The following TAF2 variants were observed in gnomAD, a reference collection of about 807,000 sequenced individuals.
TAF2 encodes transcription initiation factor TFIID subunit 2.
In TAF2, 61 loss-of-function variants were observed where a neutral mutation model predicts 138.5. That is an observed-to-expected ratio of 0.44 (90% CI 0.36 to 0.54). TAF2 has a LOEUF of 0.54. TAF2 is among the 20% of genes least tolerant of loss of function. The pLI is 0.00. For missense variants in TAF2, 1,090 were observed against 1,427.9 expected, an observed-to-expected ratio of 0.76 and a Z score of 3.81; for synonymous variants, 475 against 469.9, an observed-to-expected ratio of 1.01 and a Z score of -0.14.
chr8:119,806,068 A>T (rs1277441542), intron 4 of TAF2, among the ~76,000 whole-genome samples: 1 of 151,676 alleles, frequency 6.6e-6, no homozygotes, highest in African/African-American at 2.4e-5. Context: ...AGCCTGGATA[A>T]TTTTTGTATT....
chr8:119,760,029 G>GCC lies in TAF2; in HGVS notation c.2698+568_2698+569dup, dbSNP rs551836236. Among the ~76,000 whole-genome samples, 181 of 151,380 alleles carry GCC rather than the reference G, an allele frequency of 1.2e-3. 1 individual carries two copies. Among genetic ancestry groups the GCC allele is most frequent in the African/African-American group, 4.2e-3 (173 of 41,270 alleles). ...ACTACTGTAGGTCTGCTTCATTTAC[G>GCC]CCCCCCCAGAGTATTCTGTTGTTTC... On this transcript the variant is annotated intron_variant, in intron 20 of 25. Transcript: ENST00000378164.
chr8:119,802,773 C>G (rs1038634723), intron 5 of TAF2, among the ~76,000 whole-genome samples: 8 of 152,020 alleles, frequency 5.3e-5, no homozygotes, highest in Non-Finnish European at 1.0e-4. Context: ...ATTGGCCAGG[C>G]ATGTGGCATC....
chr8:119,787,901 T>G (rs1444544298), intron 14 of TAF2, among the ~76,000 whole-genome samples: 1 of 152,176 alleles, frequency 6.6e-6, no homozygotes, highest in South Asian at 2.1e-4. Flanking sequence ...TAGAACACTA[T>G]GCAGCCATAA....
Position 119,731,624 on chromosome 8 carries a change from C to A in TAF2, c.*300G>T. On this transcript the variant is annotated 3_prime_UTR_variant, in exon 26 of 26. Transcript: ENST00000378164. ...GGCGGTACACATGGAGACCATGATG[C>A]GAACGGGGACTGCCAGTGGATATGA... is the stretch of plus-strand genomic sequence containing the variant. 1 of 393,144 alleles carries A rather than the reference C, an allele frequency of 2.5e-6. No individual in the cohort carries two copies. Among genetic ancestry groups the A allele is most frequent in the Non-Finnish European group, 4.8e-6 (1 of 209,734 alleles). 24.4% of individuals were successfully genotyped at this position (393,144 alleles called of 1,614,324 possible).
rs534528543 is a variant in TAF2, at chr8:119,755,322, C to T, written c.2878+684G>A. ...GACCAGCCTGGCCAACATAGTGAAACTCTGTCTCTACTAAAAATACAAAAA... is the reference window on the plus strand; with the variant it reads ...GACCAGCCTGGCCAACATAGTGAAATTCTGTCTCTACTAAAAATACAAAAA... On this transcript the variant is annotated intron_variant, in intron 22 of 25. Transcript: ENST00000378164. Among the ~76,000 whole-genome samples, 114 of 152,142 alleles carry T rather than the reference C, an allele frequency of 7.5e-4. 4 individuals are homozygous for T. The South Asian group carries it at 0.02, about 27-fold the overall frequency.
chr8:119,772,576 G>A (rs921945058), intron 18 of TAF2, among the ~76,000 whole-genome samples: 11 of 151,958 alleles, frequency 7.2e-5, no homozygotes, highest in Non-Finnish European at 1.3e-4. Context: ...GTAAAAACCC[G>A]CAGACCTACC....
At chr8:119,783,293 T>G in intron 16 of TAF2, 88 bp downstream of exon 16, 2 of 1,507,166 alleles carry the variant, frequency 1.3e-6, no homozygotes, top group Non-Finnish European at 1.8e-6. Context: ...ACCAAGTAAA[T>G]TTAAAGACTA....
At chr8:119,770,627 A>C (rs1016284160) in intron 18 of TAF2, among the ~76,000 whole-genome samples, 11 of 152,296 alleles carry the variant, frequency 7.2e-5, no homozygotes, top group African/African-American at 2.6e-4. Flanking sequence ...GATGACACTC[A>C]CCAACATAAA....
chr8:119,749,418 C>G (rs1820197884), intron 22 of TAF2, among the ~76,000 whole-genome samples: 1 of 152,010 alleles, frequency 6.6e-6, no homozygotes, highest in South Asian at 2.1e-4. Context: ...AAATGAATAA[C>G]AGTACTTTTG....
At chr8:119,818,028 A>C (rs1825587199) in intron 3 of TAF2, among the ~76,000 whole-genome samples, 2 of 152,236 alleles carry the variant, frequency 1.3e-5, no homozygotes, top group Non-Finnish European at 2.9e-5. Context: ...GGTTCCCTGA[A>C]TTTTTCCAAT....
chr8:119,744,718 A>C, intron 23 of TAF2: 1 of 392,706 alleles, frequency 2.5e-6, no homozygotes, highest in African/African-American at 2.1e-5. Flanking sequence ...TGATAATATA[A>C]GTTAAATACT....
At chr8:119,800,308 A>G (rs1448232061) in intron 6 of TAF2, among the ~76,000 whole-genome samples, 1 of 152,178 alleles carries the variant, frequency 6.6e-6, no homozygotes, top group Non-Finnish European at 1.5e-5. Context: ...TCCATCTTGA[A>G]TTAACTTTTG....
chr8:119,734,133 C>G (rs1819061312), intron 25 of TAF2, among the ~76,000 whole-genome samples: 1 of 152,098 alleles, frequency 6.6e-6, no homozygotes, highest in Non-Finnish European at 1.5e-5. Flanking sequence ...TCAACAGTGT[C>G]CAGGCTGGGA....
At chr8:119,759,757 G>C (rs1039213981) in intron 20 of TAF2, among the ~76,000 whole-genome samples, 1 of 152,096 alleles carries the variant, frequency 6.6e-6, no homozygotes, top group Non-Finnish European at 1.5e-5. Flanking sequence ...TTTTAAGAAT[G>C]TTACATAAGA....
intron 2 of TAF2, among the ~76,000 whole-genome samples, chr8:119,829,860 G>GTT (rs374912220): frequency 4.4e-5 from 6 of 135,204 alleles, no homozygotes; most frequent in East Asian, 2.2e-4. Context: ...TCTTTTTTTA[G>GTT]TTTTTTTTTT....
chr8:119,812,745 GTGTGTGTATATA>G (rs1455385617), intron 3 of TAF2, among the ~76,000 whole-genome samples: 1 of 116,212 alleles, frequency 8.6e-6, no homozygotes, highest in Non-Finnish European at 1.8e-5. Flanking sequence ...GTGTGTGTGT[GTGTGTGTATATA>G]TGTGTGTATA....
At chr8:119,771,019 T>C (rs71532470) in intron 18 of TAF2, among the ~76,000 whole-genome samples, 4 of 151,774 alleles carry the variant, frequency 2.6e-5, no homozygotes, top group Non-Finnish European at 5.9e-5. Flanking sequence ...TGCAGTGAGC[T>C]GAGATCACGC....
Position 119,832,641 on chromosome 8 carries a change from T to G in TAF2, c.-77A>C. 2 of 1,398,208 alleles carry G rather than the reference T, an allele frequency of 1.4e-6. No homozygotes were observed. The highest frequency in any genetic ancestry group is 2.4e-5 in the South Asian group (2 of 84,184). The allele number at this position is 1,398,208 out of a possible 1,614,324, so 86.6% of individuals were successfully genotyped here. ...ATTACTAGTCTTTGGCACCTCACAC[T>G]CTCCACTCCCCTGCGGTCCCCAAGT... On this transcript the variant is annotated 5_prime_UTR_variant, in exon 1 of 26. Transcript: ENST00000378164.
chr8:119,778,127 A>G lies in TAF2; in HGVS notation c.2256T>C (p.Thr752=). Residue 752 remains threonine (T), a splice_region_variant and synonymous_variant, in exon 18 of 26, where the codon ACT becomes ACC. Transcript: ENST00000378164. ...TTAATAAAGCCATTGCAACTGGCAT[A>G]GTCTACAAAAGAAAAAAAAGAACTT... is the stretch of plus-strand genomic sequence containing the variant. ...MSFQSYFLQK[T]MPVAMALLRD... 6.3e-7 allele frequency: 1 copy of G among 1,580,658 alleles called. No individual in the cohort carries two copies. The highest frequency in any genetic ancestry group is 1.1e-5 in the South Asian group (1 of 89,268).
Sources: gnomAD v4.1 joint callset for allele counts (sites outside exome capture counted in the v4.1 genomes callset) on GRCh38, gnomAD v4.1.1 for gene constraint, MANE v1.5 for transcripts, NCBI Gene and HGNC (gene_info 2026-07-23, HGNC 2026-07-21) for gene names.